ZNF804A: variants seen among roughly 807,000 people sequenced by gnomAD.
ZNF804A encodes zinc finger protein 804A.
In ZNF804A, 2 loss-of-function variants were observed where a neutral mutation model predicts 16.5. The observed-to-expected ratio is 0.12, with a 90% CI of 0.05 to 0.38. ZNF804A has a LOEUF of 0.38. Among genes scored for constraint, ZNF804A ranks in the 10% least tolerant of loss-of-function variants. ZNF804A has a pLI of 0.99. For missense variants in ZNF804A, 1,473 were observed against 1,390.7 expected (o/e 1.06, Z -0.94); for synonymous variants, 534 against 489.6 (o/e 1.09, Z -1.20).
intron 2 of ZNF804A, among the ~76,000 whole-genome samples, chr2:184,897,673 A>T (rs1381016288): frequency 6.6e-6 from 1 of 152,082 alleles, no homozygotes; most frequent in Admixed American, 6.6e-5. Flanking sequence ...ATAGACATTC[A>T]TCTTATACTT....
rs1244817621 is a variant in ZNF804A at position 184,598,721 on chromosome 2, C to T, written c.-239C>T. 11 of 314,816 alleles carry T rather than the reference C, an allele frequency of 3.5e-5. No homozygotes were observed. In the East Asian group the frequency reaches 5.1e-4, roughly 15 times the overall value. The allele number at this position is 314,816 out of a possible 1,614,324, so 19.5% of individuals were successfully genotyped here. A position where few individuals can be genotyped will look rare whatever the true frequency, so the allele number is the denominator to read the frequency against. On this transcript the variant is annotated 5_prime_UTR_variant, in exon 1 of 4. Coordinates refer to ENST00000302277, the MANE Select transcript of ZNF804A (RefSeq NM_194250.2). ...CGGGGCTCGTCGTCCCGACGCGAATCTGAGGAGAAACAGGAGCGAGAGACT... is the reference window on the plus strand; with the variant it reads ...CGGGGCTCGTCGTCCCGACGCGAATTTGAGGAGAAACAGGAGCGAGAGACT...
intron 1 of ZNF804A, among the ~76,000 whole-genome samples, chr2:184,862,341 A>G (rs1695813846): frequency 6.6e-6 from 1 of 152,204 alleles, no homozygotes. Flanking sequence ...GATCAGTAAC[A>G]ATACATATGA....
intron 1 of ZNF804A, among the ~76,000 whole-genome samples, chr2:184,621,868 G>T (rs1263639494): frequency 6.6e-6 from 1 of 151,702 alleles, no homozygotes; most frequent in Non-Finnish European, 1.5e-5. Flanking sequence ...CCAGAGATTT[G>T]ATTGGCATAT....
chr2:184,896,675 G>A (rs909125590), intron 2 of ZNF804A, among the ~76,000 whole-genome samples: 7 of 152,032 alleles, frequency 4.6e-5, no homozygotes, highest in Non-Finnish European at 4.4e-5. Context: ...CAATATGGCA[G>A]TTTTAATTCT....
chr2:184,649,953 A>G (rs1228366072), intron 1 of ZNF804A, among the ~76,000 whole-genome samples: 1 of 151,950 alleles, frequency 6.6e-6, no homozygotes, highest in East Asian at 1.9e-4. Context: ...CTTTCTAACT[A>G]ATTCTATAAA....
intron 1 of ZNF804A, among the ~76,000 whole-genome samples, chr2:184,746,915 C>A: frequency 6.6e-6 from 1 of 151,344 alleles, no homozygotes; most frequent in Non-Finnish European, 1.5e-5. Context: ...TAATAAAGGA[C>A]GTATTTTTGA....
At chr2:184,691,870 A>G (rs992420458) in intron 1 of ZNF804A, among the ~76,000 whole-genome samples, 1 of 152,060 alleles carries the variant, frequency 6.6e-6, no homozygotes, top group African/African-American at 2.4e-5. Context: ...TAGCCATTAA[A>G]AGAACTGGAA....
At chr2:184,737,108 G>C (rs1434729298) in intron 1 of ZNF804A, among the ~76,000 whole-genome samples, 2 of 151,486 alleles carry the variant, frequency 1.3e-5, no homozygotes, top group Admixed American at 1.3e-4. Context: ...CCAGGCTGGA[G>C]TGTAGTGGCG....
chr2:184,636,181 T>G (rs1559113736), intron 1 of ZNF804A, among the ~76,000 whole-genome samples: 1 of 152,118 alleles, frequency 6.6e-6, no homozygotes, highest in Non-Finnish European at 1.5e-5. Context: ...TAGAAAAGAC[T>G]GAAAAATTAT....
rs955572375 is a variant in ZNF804A at position 184,781,415 on chromosome 2, TC to T, written c.112-84950del. On this transcript the variant is annotated intron_variant, in intron 1 of 3. Transcript: ENST00000302277. ...AACATGTATTTAACTCATTTATATT[TC>T]CCCACAAAATCACAATCTTTAAAAA... is the stretch of plus-strand genomic sequence containing the variant. 3.3e-5 allele frequency among the ~76,000 whole-genome samples: 5 copies of T among 151,866 alleles called. No homozygotes were observed. In the Admixed American group the frequency reaches 3.3e-4, roughly 10 times the overall value.
At chr2:184,927,276 G>A (rs1450778230) in intron 2 of ZNF804A, among the ~76,000 whole-genome samples, 2 of 152,234 alleles carry the variant, frequency 1.3e-5, no homozygotes, top group Non-Finnish European at 2.9e-5. Flanking sequence ...TCTTGGACAA[G>A]ATCCAAAAGA....
At chr2:184,883,706 G>A (rs1684844192) in intron 2 of ZNF804A, among the ~76,000 whole-genome samples, 1 of 151,862 alleles carries the variant, frequency 6.6e-6, no homozygotes, top group Admixed American at 6.6e-5. Context: ...AAAAACACAT[G>A]ATCATCTCAA....
chr2:184,791,924 G>A (rs780468576), intron 1 of ZNF804A, among the ~76,000 whole-genome samples: 4 of 152,022 alleles, frequency 2.6e-5, no homozygotes, highest in African/African-American at 7.3e-5. Context: ...CATACAATAC[G>A]TAGCCTTTTC....
intron 2 of ZNF804A, among the ~76,000 whole-genome samples, chr2:184,869,781 T>C: frequency 6.6e-6 from 1 of 152,032 alleles, no homozygotes; most frequent in East Asian, 1.9e-4. Context: ...CTGTTGTGAA[T>C]GCCTCATATA....
intron 1 of ZNF804A, among the ~76,000 whole-genome samples, chr2:184,769,588 CA>C (rs1345163627): frequency 6.6e-6 from 1 of 151,782 alleles, no homozygotes; most frequent in African/African-American, 2.4e-5. Flanking sequence ...TTAGTGTCTA[CA>C]AAGTTGCAAA....
At position 184,935,224 on chromosome 2, in the gene ZNF804A, A is replaced by T. The variant is rs149617786; in HGVS notation, c.387-559A>T. ...TTAAATATTGAGACTAACAATTTCA[A>T]AAGAGTCAAAGCTCTCATAAAGCTA... On this transcript the variant is annotated intron_variant, in intron 3 of 3. Coordinates refer to ENST00000302277, the MANE Select transcript of ZNF804A (RefSeq NM_194250.2). Among the ~76,000 whole-genome samples the T allele has an allele frequency of 1.8e-4, 28 of 152,306 alleles. No homozygotes were observed. In the South Asian group the frequency reaches 5.8e-3, roughly 32 times the overall value.
intron 1 of ZNF804A, among the ~76,000 whole-genome samples, chr2:184,716,630 AAC>A (rs1377821418): frequency 2.0e-5 from 3 of 152,162 alleles, no homozygotes; most frequent in African/African-American, 7.2e-5. Flanking sequence ...ATATAATTTA[AAC>A]ACATAAATTA....
At chr2:184,837,861 T>A (rs1315804242) in intron 1 of ZNF804A, among the ~76,000 whole-genome samples, 1 of 152,156 alleles carries the variant, frequency 6.6e-6, no homozygotes, top group Non-Finnish European at 1.5e-5. Context: ...CCACTGCCAG[T>A]GGAAGCCTTC....
intron 1 of ZNF804A, among the ~76,000 whole-genome samples, chr2:184,745,614 A>C (rs1693778469): frequency 6.6e-6 from 1 of 151,680 alleles, no homozygotes; most frequent in African/African-American, 2.4e-5. Flanking sequence ...CAAATGTACA[A>C]ACAGAACATA....
Sources: allele counts gnomAD v4.1 joint callset (sites outside exome capture counted in the v4.1 genomes callset), GRCh38; gene constraint gnomAD v4.1.1; transcripts MANE v1.5; gene names NCBI Gene and HGNC (gene_info 2026-07-23, HGNC 2026-07-21).